Variants in TTC7B observed in about 807,000 individuals in gnomAD.
TTC7B encodes tetratricopeptide repeat protein 7B.
Under a neutral mutation model 106.8 loss-of-function variants are expected in TTC7B, and 28 were observed. The ratio of observed to expected loss-of-function variants is 0.26; its 90% confidence interval spans 0.19 to 0.36. TTC7B has a LOEUF of 0.36. Ranked by LOEUF, TTC7B falls within the 10% of genes least tolerant of loss-of-function variation. The probability of loss-of-function intolerance (pLI) is 1.00; values close to 1 mark genes in which losing one functional copy is unlikely to be tolerated. For missense variants in TTC7B, 862 were observed against 1,076.4 expected (o/e 0.80, Z 2.79); for synonymous variants, 405 against 430.6 (o/e 0.94, Z 0.74).
At chr14:90,553,529 T>C (rs1024610083) in intron 19 of TTC7B, among the ~76,000 whole-genome samples, 5 of 152,158 alleles carry the variant, frequency 3.3e-5, no homozygotes, top group Admixed American at 6.5e-5. Context: ...GCCCACACCA[T>C]GAGAGGACAG....
At chr14:90,679,154 C>T (rs1246140372) in intron 8 of TTC7B, among the ~76,000 whole-genome samples, 1 of 152,204 alleles carries the variant, frequency 6.6e-6, no homozygotes, top group Non-Finnish European at 1.5e-5. Flanking sequence ...AAGTTATCAG[C>T]TGACTATCGG....
At chr14:90,668,291 T>C (rs977533307) in intron 9 of TTC7B, among the ~76,000 whole-genome samples, 1 of 152,206 alleles carries the variant, frequency 6.6e-6, no homozygotes, top group Non-Finnish European at 1.5e-5. Context: ...CTGTGCTAGC[T>C]ACATTATAGC....
chr14:90,670,784 A>G (rs1886602953), intron 9 of TTC7B, among the ~76,000 whole-genome samples: 1 of 152,114 alleles, frequency 6.6e-6, no homozygotes, highest in Admixed American at 6.5e-5. Flanking sequence ...TATTGAGCCG[A>G]CTCACAAAGC....
chr14:90,723,264 A>C (rs376119028), intron 5 of TTC7B, among the ~76,000 whole-genome samples: 35 of 152,322 alleles, frequency 2.3e-4, no homozygotes, highest in African/African-American at 7.9e-4. Flanking sequence ...TAACTCTAGT[A>C]GTTCTAACAG....
At chr14:90,574,800 T>C (rs1891190418) in intron 19 of TTC7B, among the ~76,000 whole-genome samples, 1 of 152,196 alleles carries the variant, frequency 6.6e-6, no homozygotes, top group African/African-American at 2.4e-5. Context: ...CCCCACTGAC[T>C]GCTTGTCCCC....
chr14:90,672,234 C>CCA (rs1448922353), intron 9 of TTC7B, among the ~76,000 whole-genome samples: 1 of 152,230 alleles, frequency 6.6e-6, no homozygotes, highest in South Asian at 2.1e-4. Flanking sequence ...TCACAATTGA[C>CCA]TGATGGTTTT....
In TTC7B at chr14:90,541,551, C is replaced by T. The variant is rs370089123; in HGVS notation, c.2349G>A (p.Ala783=). 2.6e-5 allele frequency: 42 copies of T among 1,609,466 alleles called. No homozygotes were observed. Among genetic ancestry groups the T allele is most frequent in the African/African-American group, 2.3e-4 (17 of 74,898 alleles). ...GCACCGCGTCCCGGAGGATCTTCTC[C>T]GCCAGACTGTAGCGGCCTAGCTGGT... ...ILHQLGRYSL[A]EKILRDAVQV... Residue 783 remains alanine (A), a synonymous_variant, in exon 20 of 20, where the codon GCG becomes GCA. Transcript: ENST00000328459.
rs2030671582 is a variant in TTC7B at position 90,807,388 on chromosome 14, T to A, written c.121+8787A>T. On this transcript the variant is annotated intron_variant, in intron 1 of 19. Coordinates refer to ENST00000328459, the MANE Select transcript of TTC7B (RefSeq NM_001010854.2). This position sits in a 1 kb window ranked among gnomAD's most constrained non-coding sequence, Gnocchi z 4.1. The stretch of plus-strand genomic sequence containing the variant: ...CACGTCTAAAGTCTGGTCCTAGAAC[T>A]CCGGGCACCATAATCACTTGGGGCC... Among the ~76,000 whole-genome samples, 1 of 152,168 alleles carries A rather than the reference T, an allele frequency of 6.6e-6. No individual in the cohort carries two copies. The highest frequency in any genetic ancestry group is 2.4e-5 in the African/African-American group (1 of 41,438).
chr14:90,647,454 T>G (rs1187029083), intron 13 of TTC7B: 1 of 154,044 alleles, frequency 6.5e-6, no homozygotes. Flanking sequence ...TTTATCCAAA[T>G]TTCTAGATTT....
Position 90,742,426 on chromosome 14 carries a change from T to G in TTC7B, c.576+2366A>C, listed in dbSNP as rs1889806893. Among the ~76,000 whole-genome samples the G allele has an allele frequency of 6.6e-6, 1 of 152,080 alleles. No individual in the cohort carries two copies. Among genetic ancestry groups the G allele is most frequent in the African/African-American group, 2.4e-5 (1 of 41,398 alleles). ...TTAAACTTCTGGCCTCAGGTGATCC[T>G]CCTGTCTCGGCCTCTCAAAGTGCTG... On this transcript the variant is annotated intron_variant, in intron 4 of 19. Transcript: ENST00000328459. The surrounding 1 kb of genome is among the most constrained non-coding windows in gnomAD (Gnocchi z 4.1).
At chr14:90,671,412 G>T (rs1400568079) in intron 9 of TTC7B, among the ~76,000 whole-genome samples, 6 of 152,140 alleles carry the variant, frequency 3.9e-5, no homozygotes, top group Non-Finnish European at 8.8e-5. Context: ...ATGGAGGGGG[G>T]ACACACACAA....
chr14:90,688,593 A>G (rs796088751), intron 7 of TTC7B, among the ~76,000 whole-genome samples: 46 of 138,954 alleles, frequency 3.3e-4, no homozygotes, highest in African/African-American at 1.2e-3. Flanking sequence ...ACTGCACTCC[A>G]GCCTGGTGAC....
At chr14:90,567,821 C>G (rs944127258) in intron 19 of TTC7B, 1 of 152,240 alleles carries the variant, frequency 6.6e-6, no homozygotes, top group Non-Finnish European at 1.5e-5. Context: ...GCCTCTAACT[C>G]TCTGGTGAGT....
rs1174564616 is a variant in TTC7B at position 90,577,445 on chromosome 14, A to G, written c.2310+661T>C. ...CTCCAGGGTCTCTCAAGAATGATCC[A>G]TGGCAAGGGGTGGGAGCAGCAGGGC... On this transcript the variant is annotated intron_variant, in intron 19 of 19. Coordinates refer to ENST00000328459, the MANE Select transcript of TTC7B (RefSeq NM_001010854.2). The surrounding 1 kb of genome is among the most constrained non-coding windows in gnomAD (Gnocchi z 5.0). Among the ~76,000 whole-genome samples, 1 of 152,204 alleles carries G rather than the reference A, an allele frequency of 6.6e-6. No individual in the cohort carries two copies. Among genetic ancestry groups the G allele is most frequent in the Non-Finnish European group, 1.5e-5 (1 of 68,030 alleles).
intron 18 of TTC7B, among the ~76,000 whole-genome samples, chr14:90,582,960 T>C (rs1343258275): frequency 2.0e-5 from 3 of 152,352 alleles, no homozygotes; most frequent in Non-Finnish European, 2.9e-5. Flanking sequence ...CACCCCAGGA[T>C]GTAGCCTTCT....
At chr14:90,659,043 T>C (rs1595254251) in intron 9 of TTC7B, among the ~76,000 whole-genome samples, 1 of 152,086 alleles carries the variant, frequency 6.6e-6, no homozygotes, top group African/African-American at 2.4e-5. Flanking sequence ...GATAGAATGG[T>C]CCAGGGGTTT....
rs561777362 is a variant in TTC7B at position 90,575,046 on chromosome 14, T to C, written c.2310+3060A>G. 6.0e-4 allele frequency among the ~76,000 whole-genome samples: 91 copies of C among 152,220 alleles called. No individual in the cohort carries two copies. Among genetic ancestry groups the C allele is most frequent in the African/African-American group, 2.1e-3 (89 of 41,534 alleles). ...CTGTGTGCCAGGCAACTGTCAACGC[T>C]CAGCTCTGTTTCCGCCACTCTCCGC... On this transcript the variant is annotated intron_variant, in intron 19 of 19. Transcript: ENST00000328459. This position sits in a 1 kb window ranked among gnomAD's most constrained non-coding sequence, Gnocchi z 5.2.
At chr14:90,774,705 G>T (rs74926618) in intron 3 of TTC7B, among the ~76,000 whole-genome samples, 1 of 152,170 alleles carries the variant, frequency 6.6e-6, no homozygotes, top group African/African-American at 2.4e-5. Context: ...TCCCTAAGCC[G>T]CACTCCAGGC....
At chr14:90,768,714 A>G (rs2401912) in intron 3 of TTC7B, among the ~76,000 whole-genome samples, 48,800 of 152,118 alleles carry the variant, frequency 0.32, 11,157 homozygotes, top group African/African-American at 0.66. Context: ...CAGAAGCCAC[A>G]CAAGGTGAAA....
Sources: allele counts gnomAD v4.1 joint callset (sites outside exome capture counted in the v4.1 genomes callset), GRCh38; gene constraint gnomAD v4.1.1; non-coding constraint Gnocchi (gnomAD v3.1); transcripts MANE v1.5; gene names NCBI Gene and HGNC (gene_info 2026-07-23, HGNC 2026-07-21).